The following DDC variants were observed in gnomAD, a reference collection of about 807,000 sequenced individuals.
DDC encodes the protein aromatic-L-amino-acid decarboxylase.
In DDC, 43 loss-of-function variants were observed where a neutral mutation model predicts 60.0. The ratio of observed to expected loss-of-function variants is 0.72; its 90% confidence interval spans 0.56 to 0.92. The LOEUF (loss-of-function observed/expected upper bound fraction) is 0.92. DDC is among the 40% of genes least tolerant of loss of function. The probability of loss-of-function intolerance (pLI) is 0.00; values close to 1 mark genes in which losing one functional copy is unlikely to be tolerated. For synonymous variants in DDC, 232 were observed against 234.6 expected (o/e 0.99, Z 0.10); for missense variants, 573 against 620.2 (o/e 0.92, Z 0.81).
chr7:50,539,846 G>T, intron 3 of DDC, 69 bp downstream of exon 3: 1 of 1,180,234 alleles, frequency 8.5e-7, no homozygotes, highest in Non-Finnish European at 1.3e-6. Flanking sequence ...TTGTGCATAG[G>T]TACCGTGTCC....
intron 11 of DDC, among the ~76,000 whole-genome samples, 182 bp downstream of exon 11, chr7:50,476,442 G>A (rs1022244348): frequency 6.6e-6 from 1 of 152,180 alleles, no homozygotes; most frequent in Non-Finnish European, 1.5e-5. Flanking sequence ...TCTGACTGAG[G>A]GGTTCAGCAG....
At chr7:50,531,584 G>T (rs1359029700) in intron 4 of DDC, among the ~76,000 whole-genome samples, 1 of 151,920 alleles carries the variant, frequency 6.6e-6, no homozygotes, top group Non-Finnish European at 1.5e-5. Context: ...CTCTGGGGGG[G>T]GATGGGGGAG....
intron 14 of DDC, among the ~76,000 whole-genome samples, chr7:50,459,227 G>C (rs1163709506): frequency 2.0e-5 from 3 of 152,232 alleles, no homozygotes; most frequent in Non-Finnish European, 4.4e-5. Flanking sequence ...CCGAGGTGCC[G>C]GGATTGCAGA....
intron 12 of DDC, among the ~76,000 whole-genome samples, chr7:50,469,460 G>A (rs1007429723): frequency 3.3e-5 from 5 of 152,140 alleles, no homozygotes; most frequent in African/African-American, 1.2e-4. Flanking sequence ...CAATTTTGGG[G>A]GAGAAAAACA....
intron 6 of DDC, among the ~76,000 whole-genome samples, chr7:50,505,227 G>C (rs117796123): frequency 6.6e-6 from 1 of 152,330 alleles, no homozygotes; most frequent in East Asian, 1.9e-4. Context: ...GTGTTGGGCT[G>C]AGCATTTGCA....
chr7:50,507,239 A>G (rs535257656), intron 6 of DDC, among the ~76,000 whole-genome samples: 31 of 152,150 alleles, frequency 2.0e-4, no homozygotes, highest in Non-Finnish European at 3.5e-4. Flanking sequence ...ACTAAATGCA[A>G]TAACTTTTTT....
chr7:50,468,025 C>A (rs2042436348), intron 12 of DDC, among the ~76,000 whole-genome samples: 1 of 152,262 alleles, frequency 6.6e-6, no homozygotes, highest in Non-Finnish European at 1.5e-5. Flanking sequence ...GCATGTGATC[C>A]TAGGAGAAGG....
In DDC at chr7:50,549,355, A is replaced by T. The variant is rs141355507; in HGVS notation, c.-28-5242T>A. On this transcript the variant is annotated intron_variant, in intron 1 of 14. Coordinates refer to ENST00000444124, the MANE Select transcript of DDC (RefSeq NM_001082971.2). ...GAAAGAATTTACTATTCTAGATGCC[A>T]TTAAGAACATTTGTGGGCCGGGCGC... Among the ~76,000 whole-genome samples, 4 of 152,350 alleles carry T rather than the reference A, an allele frequency of 2.6e-5. No individual in the cohort carries two copies. The East Asian group carries it at 7.7e-4, about 29-fold the overall frequency.
chr7:50,509,238 C>T (rs1303470856), intron 6 of DDC, among the ~76,000 whole-genome samples: 6 of 152,124 alleles, frequency 3.9e-5, no homozygotes, highest in African/African-American at 1.2e-4. Context: ...TGATCCGATA[C>T]CTACAATTGG....
chr7:50,489,347 T>C (rs2042951240), intron 9 of DDC, among the ~76,000 whole-genome samples: 1 of 152,188 alleles, frequency 6.6e-6, no homozygotes, highest in African/African-American at 2.4e-5. Context: ...TCTAAATTCT[T>C]CTATGAAATA....
chr7:50,558,474 C>T (rs919108248), intron 1 of DDC, among the ~76,000 whole-genome samples: 1 of 152,120 alleles, frequency 6.6e-6, no homozygotes, highest in Non-Finnish European at 1.5e-5. Context: ...TGAGGTGCCC[C>T]CCTCCAAGAA....
intron 6 of DDC, among the ~76,000 whole-genome samples, chr7:50,508,179 C>T (rs545174714): frequency 1.8e-4 from 27 of 152,310 alleles, no homozygotes; most frequent in African/African-American, 4.3e-4. Context: ...GGCTTGTCTA[C>T]GTGGGGCTGA....
chr7:50,516,615 T>A (rs949084374), intron 6 of DDC, among the ~76,000 whole-genome samples: 1 of 149,056 alleles, frequency 6.7e-6, no homozygotes, highest in East Asian at 2.0e-4. Flanking sequence ...AAAAAAAAAA[T>A]ACAAAAGATA....
intron 10 of DDC, chr7:50,477,482 G>T: frequency 4.4e-6 from 2 of 455,436 alleles, no homozygotes; most frequent in Non-Finnish European, 4.4e-6. Context: ...CTGTGGCAGG[G>T]CCATAGCAGG....
At chr7:50,501,997 C>T (rs564773101) in intron 7 of DDC, among the ~76,000 whole-genome samples, 1 of 152,176 alleles carries the variant, frequency 6.6e-6, no homozygotes, top group Admixed American at 6.5e-5. Flanking sequence ...TCACTTGAAC[C>T]CAGGAGGCAG....
chr7:50,499,784 C>CA (rs2043208132), intron 7 of DDC, among the ~76,000 whole-genome samples: 1 of 152,194 alleles, frequency 6.6e-6, no homozygotes, highest in Non-Finnish European at 1.5e-5. Context: ...GTTTTCCAAC[C>CA]ATGCATAGCA....
intron 1 of DDC, among the ~76,000 whole-genome samples, chr7:50,564,611 A>G (rs1467525107): frequency 6.6e-6 from 1 of 152,248 alleles, no homozygotes; most frequent in Admixed American, 6.5e-5. Flanking sequence ...ACTTAAAACC[A>G]GGAGAACTTC....
In DDC at chr7:50,479,844, A is replaced by T. The variant is rs2042728160; in HGVS notation, c.964T>A (p.Leu322Ile). Residue 322 changes from leucine (L) to isoleucine (I), a missense_variant, in exon 10 of 15, where the codon TTA becomes ATA. Transcript: ENST00000444124. ...SAMWVKKRTD[L>I]TGAFRLDPTY... is the part of the protein sequence containing the mutation. Reference sequence around the variant, plus strand: ...GGGTCCAGTCTAAAGGCTCCCGTTAAGTCTGTTCTCTTTTTCACCCTGGTT... The same window carrying T: ...GGGTCCAGTCTAAAGGCTCCCGTTATGTCTGTTCTCTTTTTCACCCTGGTT... 6.2e-7 allele frequency: 1 copy of T among 1,613,762 alleles called. No individual in the cohort carries two copies. Among genetic ancestry groups the T allele is most frequent in the Non-Finnish European group, 8.5e-7 (1 of 1,179,980 alleles).
intron 9 of DDC, among the ~76,000 whole-genome samples, chr7:50,489,476 G>A (rs534864140): frequency 5.9e-5 from 9 of 152,276 alleles, no homozygotes; most frequent in Admixed American, 2.0e-4. Context: ...TGCTTCTAAA[G>A]TCATTGTACT....
Sources: allele counts gnomAD v4.1 joint callset (sites outside exome capture counted in the v4.1 genomes callset), GRCh38; gene constraint gnomAD v4.1.1; transcripts MANE v1.5; gene names NCBI Gene and HGNC (gene_info 2026-07-23, HGNC 2026-07-21).